TBL1XR1: variants seen among roughly 807,000 people sequenced by gnomAD.
TBL1XR1 encodes the protein F-box-like/WD repeat-containing protein TBL1XR1.
TBL1XR1 carries 5 observed loss-of-function variants against 66.9 expected under a neutral mutation model. The ratio of observed to expected loss-of-function variants is 0.07; its 90% CI spans 0.04 to 0.16. The LOEUF is 0.16. TBL1XR1 is among the 10% of genes least tolerant of loss of function. The pLI is 1.00. For synonymous variants in TBL1XR1, 210 were observed against 206.0 expected (o/e 1.02, Z -0.17); for missense variants, 238 against 623.2 (o/e 0.38, Z 6.58).
chr3:177,193,585 A>C (rs371580599), intron 1 of TBL1XR1, among the ~76,000 whole-genome samples: 7 of 152,342 alleles, frequency 4.6e-5, no homozygotes, highest in African/African-American at 1.7e-4. Flanking sequence ...CTTGGATTAC[A>C]GGCGTGAGCC....
chr3:177,100,470 C>A (rs1275741805), intron 1 of TBL1XR1, among the ~76,000 whole-genome samples: 1 of 151,820 alleles, frequency 6.6e-6, no homozygotes, highest in Admixed American at 6.6e-5. Flanking sequence ...GTCACCCAGG[C>A]TGAAGTGCCA....
At chr3:177,198,200 C>T (rs1030251705), upstream of TBL1XR1, among the ~76,000 whole-genome samples, 8 of 152,136 alleles carry the variant, frequency 5.3e-5, no homozygotes, top group African/African-American at 1.9e-4. Flanking sequence ...ATCCAGAGCA[C>T]GGGATCTGGA....
chr3:177,113,121 T>A (rs1343431544), intron 1 of TBL1XR1, among the ~76,000 whole-genome samples: 1 of 152,138 alleles, frequency 6.6e-6, no homozygotes, highest in African/African-American at 2.4e-5. Flanking sequence ...GAGAGAACAG[T>A]GTCTTCAATA....
chr3:177,069,791 GGAAAGGAAGGAAGGAA>G (rs1719676529), intron 2 of TBL1XR1, among the ~76,000 whole-genome samples: 1 of 77,076 alleles, frequency 1.3e-5, no homozygotes, highest in Non-Finnish European at 2.4e-5. Flanking sequence ...GGAAAAGGAA[GGAAAGGAAGGAAGGAA>G]GGAAGGAAGG....
At chr3:177,194,785 C>A (rs1736620169) in intron 1 of TBL1XR1, among the ~76,000 whole-genome samples, 1 of 152,128 alleles carries the variant, frequency 6.6e-6, no homozygotes, top group Non-Finnish European at 1.5e-5. Context: ...TCATGCAAAA[C>A]CTTTAATTAG....
At chr3:177,118,410 A>C (rs1726568997) in intron 1 of TBL1XR1, among the ~76,000 whole-genome samples, 1 of 152,244 alleles carries the variant, frequency 6.6e-6, no homozygotes, top group Admixed American at 6.5e-5. Flanking sequence ...CATCAAAGCT[A>C]AAAGTGTGAC....
intron 1 of TBL1XR1, among the ~76,000 whole-genome samples, chr3:177,184,261 T>C (rs1735152816): frequency 6.6e-6 from 1 of 152,072 alleles, no homozygotes; most frequent in East Asian, 1.9e-4. Flanking sequence ...AACACATACA[T>C]CTAAGTTTGT....
intron 9 of TBL1XR1, among the ~76,000 whole-genome samples, chr3:177,046,610 T>C (rs774212304): frequency 4.6e-5 from 7 of 152,200 alleles, no homozygotes; most frequent in Non-Finnish European, 7.4e-5. Flanking sequence ...AGCTTGAATT[T>C]TGGCAGTACT....
chr3:177,198,608 A>G (rs933126907), upstream of TBL1XR1, among the ~76,000 whole-genome samples: 1 of 152,212 alleles, frequency 6.6e-6, no homozygotes, highest in African/African-American at 2.4e-5. Flanking sequence ...ACTTTCAGAA[A>G]GATGGGGTAG....
At chr3:177,047,675 C>CA in intron 7 of TBL1XR1, 126 bp from the exon 8 acceptor site, 1 of 1,093,090 alleles carries the variant, frequency 9.1e-7, no homozygotes, top group Non-Finnish European at 1.3e-6. Flanking sequence ...CAAAACTTGT[C>CA]AGTTTTGCCT....
At chr3:177,050,309 T>C (rs1318741305) in intron 6 of TBL1XR1, among the ~76,000 whole-genome samples, 169 bp downstream of exon 6, 2 of 152,204 alleles carry the variant, frequency 1.3e-5, no homozygotes, top group Non-Finnish European at 2.9e-5. Context: ...ATTCTCGAAA[T>C]AGTAAGTTTA....
At chr3:177,121,672 T>C (rs1163066156) in intron 1 of TBL1XR1, among the ~76,000 whole-genome samples, 1 of 152,192 alleles carries the variant, frequency 6.6e-6, no homozygotes, top group Non-Finnish European at 1.5e-5. Context: ...TTAAGTAACA[T>C]CTTTCATCAT....
At chr3:177,060,852 G>A (rs1243561116) in intron 3 of TBL1XR1, among the ~76,000 whole-genome samples, 1 of 152,152 alleles carries the variant, frequency 6.6e-6, no homozygotes, top group African/African-American at 2.4e-5. Flanking sequence ...AATGCCCCTG[G>A]GCAAACACTA....
At chr3:177,184,775 G>C (rs545035939) in intron 1 of TBL1XR1, among the ~76,000 whole-genome samples, 139 of 150,268 alleles carry the variant, frequency 9.3e-4, no homozygotes, top group African/African-American at 2.9e-3. Context: ...CTCCAGCCTG[G>C]ATGAGACAGA....
intron 1 of TBL1XR1, among the ~76,000 whole-genome samples, chr3:177,142,719 A>C (rs1299317341): frequency 6.6e-6 from 1 of 152,240 alleles, no homozygotes; most frequent in Non-Finnish European, 1.5e-5. Flanking sequence ...AAAATTTAAA[A>C]TAATAAATTT....
At chr3:177,039,566 TTAA>T (rs756108220) in intron 10 of TBL1XR1, among the ~76,000 whole-genome samples, 5 of 152,208 alleles carry the variant, frequency 3.3e-5, no homozygotes, top group Non-Finnish European at 7.3e-5. Flanking sequence ...AGGCTGGCAT[TTAA>T]TACTTTGAGT....
intron 1 of TBL1XR1, among the ~76,000 whole-genome samples, chr3:177,118,869 C>T (rs1049044839): frequency 2.6e-5 from 4 of 152,120 alleles, no homozygotes; most frequent in Admixed American, 2.6e-4. Flanking sequence ...AGGCATATTG[C>T]CTGCAAACCA....
rs1340753382 is a variant in TBL1XR1 at position 177,088,555 on chromosome 3, G to GT, written c.-46+9910dup. Among the ~76,000 whole-genome samples the GT allele has an allele frequency of 2.6e-5, 4 of 152,228 alleles. No homozygotes were observed. In the East Asian group the frequency reaches 7.7e-4, roughly 29 times the overall value. On this transcript the variant is annotated intron_variant, in intron 2 of 15. Transcript: ENST00000457928. ...CAACCTGTGTAAAGATTAAATCCAT[G>GT]TAAGAAGCCAAGCTTTCTCTGCCTT...
intron 1 of TBL1XR1, among the ~76,000 whole-genome samples, chr3:177,178,868 A>G (rs1734465675): frequency 1.3e-5 from 2 of 152,126 alleles, no homozygotes; most frequent in South Asian, 4.1e-4. Flanking sequence ...CTGTAACCCC[A>G]GCACTTTGGG....
Sources: gnomAD v4.1 joint callset for allele counts (sites outside exome capture counted in the v4.1 genomes callset) on GRCh38, gnomAD v4.1.1 for gene constraint, MANE v1.5 for transcripts, NCBI Gene and HGNC (gene_info 2026-07-23, HGNC 2026-07-21) for gene names.